The following MAP4K4 variants were observed in gnomAD, a reference collection of about 807,000 sequenced individuals.
MAP4K4 encodes the protein mitogen-activated protein kinase kinase kinase kinase 4.
MAP4K4 carries 38 observed loss-of-function variants against 189.6 expected under a neutral mutation model. The observed-to-expected ratio is 0.20, with a 90% confidence interval of 0.15 to 0.26. MAP4K4 has a LOEUF of 0.26. Ranked by LOEUF, MAP4K4 falls within the 10% of genes least tolerant of loss-of-function variation. The pLI is 1.00. For synonymous variants in MAP4K4, 610 were observed against 624.3 expected (o/e 0.98, Z 0.34); for missense variants, 1,054 against 1,726.9 (o/e 0.61, Z 6.91).
In MAP4K4 at chr2:101,766,685, G is replaced by A. The variant is rs1575176567; in HGVS notation, c.124-24035G>A. On this transcript the variant is annotated intron_variant, in intron 2 of 32. Transcript: ENST00000324219. ...GGATGTTTTTTCCTAACTTGTTTCCGGCTTTGGCATCTCTAAGCTCATTTC... is the reference window on the plus strand; with the variant it reads ...GGATGTTTTTTCCTAACTTGTTTCCAGCTTTGGCATCTCTAAGCTCATTTC... 4.7e-5 allele frequency among the ~76,000 whole-genome samples: 7 copies of A among 150,376 alleles called. No homozygotes were observed. The South Asian group carries it at 1.5e-3, about 32-fold the overall frequency.
intron 1 of MAP4K4, 49 bp downstream of exon 1, chr2:101,698,186 G>GGCAGCCT (rs762817841): frequency 0.017 from 15,850 of 911,816 alleles, 228 homozygotes; most frequent in Non-Finnish European, 0.02. Context: ...GCCGGCAGCC[G>GGCAGCCT]GCAGCCGGGG....
At chr2:101,730,136 C>T (rs1322842155) in intron 2 of MAP4K4, among the ~76,000 whole-genome samples, 2 of 152,184 alleles carry the variant, frequency 1.3e-5, no homozygotes, top group Non-Finnish European at 2.9e-5. Flanking sequence ...GATTCTGCTT[C>T]GTTCATGTAC....
At chr2:101,787,948 T>C (rs1167315718) in intron 2 of MAP4K4, among the ~76,000 whole-genome samples, 1 of 151,660 alleles carries the variant, frequency 6.6e-6, no homozygotes, top group Non-Finnish European at 1.5e-5. Context: ...GGATTACAGG[T>C]GCACGCCACC....
intron 2 of MAP4K4, among the ~76,000 whole-genome samples, chr2:101,764,759 G>A (rs1211445573): frequency 6.6e-6 from 1 of 152,024 alleles, no homozygotes; most frequent in African/African-American, 2.4e-5. Context: ...CCAAGACCCT[G>A]ACCTCTTTGA....
chr2:101,793,147 A>G (rs1474334364), intron 3 of MAP4K4, among the ~76,000 whole-genome samples: 1 of 152,242 alleles, frequency 6.6e-6, no homozygotes, highest in Non-Finnish European at 1.5e-5. Context: ...GACTCCTTTA[A>G]AAGCAATTAT....
At chr2:101,698,634 A>T in intron 2 of MAP4K4, 96 bp downstream of exon 2, 10 of 1,249,324 alleles carry the variant, frequency 8.0e-6, no homozygotes, top group Non-Finnish European at 1.2e-5. Context: ...ACTGGAGGCC[A>T]CGCCGCTTGG....
intron 1 of MAP4K4, 75 bp downstream of exon 1, chr2:101,698,212 C>T: frequency 1.4e-6 from 1 of 691,090 alleles, no homozygotes. Context: ...CCCAGGTCGG[C>T]CGGGCGCTCG....
chr2:101,744,708 C>T (rs1189707663), intron 2 of MAP4K4, among the ~76,000 whole-genome samples: 1 of 152,134 alleles, frequency 6.6e-6, no homozygotes, highest in African/African-American at 2.4e-5. Context: ...CGCTTGAAGA[C>T]ACCAGGGGTG....
At chr2:101,796,835 A>G (rs768745207) in intron 3 of MAP4K4, among the ~76,000 whole-genome samples, 2 of 152,184 alleles carry the variant, frequency 1.3e-5, no homozygotes, top group Non-Finnish European at 2.9e-5. Flanking sequence ...TCCTAGCGCC[A>G]TGTTCCATGG....
intron 19 of MAP4K4, 47 bp from the exon 20 acceptor site, chr2:101,867,165 A>T: frequency 8.2e-7 from 1 of 1,223,858 alleles, no homozygotes; most frequent in Non-Finnish European, 1.2e-6. Context: ...ATACACATCC[A>T]TATGTTGATA....
intron 2 of MAP4K4, among the ~76,000 whole-genome samples, chr2:101,698,938 C>CAT (rs1297168748): frequency 6.6e-6 from 1 of 152,148 alleles, no homozygotes; most frequent in Non-Finnish European, 1.5e-5. Flanking sequence ...CTTTGGCCAT[C>CAT]GTGAAAATTG....
At chr2:101,812,336 C>G (rs1053448518) in intron 3 of MAP4K4, among the ~76,000 whole-genome samples, 1 of 152,164 alleles carries the variant, frequency 6.6e-6, no homozygotes, top group African/African-American at 2.4e-5. Flanking sequence ...CTGTGTTGTT[C>G]TTTAGGGAGT....
chr2:101,853,883 A>G (rs115091254), intron 12 of MAP4K4, among the ~76,000 whole-genome samples: 209 of 152,300 alleles, frequency 1.4e-3, no homozygotes, highest in African/African-American at 4.8e-3. Context: ...ATCAGAAACT[A>G]GAAGATGACA....
intron 28 of MAP4K4, among the ~76,000 whole-genome samples, chr2:101,883,424 C>T (rs530524005): frequency 6.5e-4 from 99 of 152,252 alleles, no homozygotes; most frequent in Non-Finnish European, 1.2e-3. Context: ...CTCCACCTCC[C>T]GGGTTCAAGC....
chr2:101,710,559 A>G (rs2149297709), intron 2 of MAP4K4, among the ~76,000 whole-genome samples: 1 of 152,356 alleles, frequency 6.6e-6, no homozygotes, highest in East Asian at 1.9e-4. Flanking sequence ...TGGACAAGAA[A>G]GGCAGTCAGC....
intron 2 of MAP4K4, among the ~76,000 whole-genome samples, chr2:101,769,237 T>G (rs72829220): frequency 0.017 from 2,519 of 152,320 alleles, 26 homozygotes; most frequent in Non-Finnish European, 0.026. Context: ...CATTATTATT[T>G]AAATAAAAAG....
At chr2:101,754,884 G>A (rs1438940846) in intron 2 of MAP4K4, among the ~76,000 whole-genome samples, 3 of 152,192 alleles carry the variant, frequency 2.0e-5, no homozygotes, top group African/African-American at 4.8e-5. Flanking sequence ...AAGATGAGGG[G>A]AAGGAAGGAG....
At chr2:101,704,233 C>A (rs754148424) in intron 2 of MAP4K4, among the ~76,000 whole-genome samples, 1 of 151,978 alleles carries the variant, frequency 6.6e-6, no homozygotes, top group Non-Finnish European at 1.5e-5. Context: ...CAGGCTTGTT[C>A]TGAGACATAG....
At chr2:101,700,781 G>GTTT (rs5832982) in intron 2 of MAP4K4, among the ~76,000 whole-genome samples, 12 of 140,848 alleles carry the variant, frequency 8.5e-5, no homozygotes, top group Non-Finnish European at 1.5e-4. Context: ...AGTAAAATGT[G>GTTT]TTTTTTTTTT....
Sources: gnomAD v4.1 joint callset for allele counts (sites outside exome capture counted in the v4.1 genomes callset) on GRCh38, gnomAD v4.1.1 for gene constraint, MANE v1.5 for transcripts, NCBI Gene and HGNC (gene_info 2026-07-23, HGNC 2026-07-21) for gene names.